The following NLRP4 variants were observed in gnomAD, a reference collection of about 807,000 sequenced individuals.
NLRP4 encodes NLR family pyrin domain containing 4, also known as NACHT, LRR and PYD domains-containing protein 4.
Under a neutral mutation model 84.7 loss-of-function variants are expected in NLRP4, and 44 were observed. The ratio of observed to expected loss-of-function variants is 0.52; its 90% CI spans 0.41 to 0.67. NLRP4 has a LOEUF of 0.67. Ranked by LOEUF, NLRP4 falls within the 30% of genes least tolerant of loss-of-function variation. The pLI is 0.00. For missense variants in NLRP4, 1,260 were observed against 1,219.4 expected (o/e 1.03, Z -0.50); for synonymous variants, 544 against 476.4 (o/e 1.14, Z -1.85).
chr19:55,858,937 T>C lies in NLRP4; in HGVS notation c.1544T>C (p.Leu515Pro). 2 of 1,614,028 alleles carry C rather than the reference T, an allele frequency of 1.2e-6. No individual in the cohort carries two copies. Among genetic ancestry groups the C allele is most frequent in the South Asian group, 1.1e-5 (1 of 91,080 alleles). The change falls in exon 3 of 10, where the codon CTG becomes CCG. Residue 515 changes from leucine (L) to proline (P), a missense_variant. This residue lies in a region of NLRP4 where 712 missense variants were observed against 669.2 expected (regional missense o/e 1.06). Coordinates refer to ENST00000301295, the MANE Select transcript of NLRP4 (RefSeq NM_134444.5). This position sits in a 1 kb window ranked among gnomAD's most constrained non-coding sequence, Gnocchi z 4.2. ...GLLNKKEQEKLDAFFGFQLSQ... is the reference protein window; with the variant it reads ...GLLNKKEQEKPDAFFGFQLSQ... ...TTAAATAAAAAGGAACAAGAAAAAC[T>C]GGATGCGTTTTTTGGCTTCCAACTG...
chr19:55,860,416 T>A (rs965566555), intron 3 of NLRP4, among the ~76,000 whole-genome samples: 14 of 151,044 alleles, frequency 9.3e-5, no homozygotes, highest in African/African-American at 1.7e-4. Flanking sequence ...TTCTACAAAA[T>A]TTTTTTTTTA....
chr19:55,842,960 C>T (rs540816855), intron 1 of NLRP4, among the ~76,000 whole-genome samples: 3 of 151,136 alleles, frequency 2.0e-5, no homozygotes, highest in South Asian at 2.1e-4. Flanking sequence ...GGGGTTTCAC[C>T]GTGTTAGCCA....
chr19:55,853,889 TTCTCTC>T lies in NLRP4; in HGVS notation c.280+1541_280+1546del, dbSNP rs145906779. Among the ~76,000 whole-genome samples the T allele has an allele frequency of 3.8e-5, 5 of 132,184 alleles. 1 individual carries two copies. Among genetic ancestry groups the T allele is most frequent in the Non-Finnish European group, 1.5e-5 (1 of 65,176 alleles). The allele number at this position is 132,184 out of a possible 152,430, so 86.7% of individuals were successfully genotyped here. On this transcript the variant is annotated intron_variant, in intron 2 of 9. Coordinates refer to ENST00000301295, the MANE Select transcript of NLRP4 (RefSeq NM_134444.5). ...TCTCTCTTTCTCTCTTGCTATCTCT[TTCTCTC>T]TCTCTCTCTCTTTCTCTTTCTTTCT...
intron 6 of NLRP4, among the ~76,000 whole-genome samples, chr19:55,869,100 A>T (rs1985071976): frequency 6.6e-6 from 1 of 152,198 alleles, no homozygotes; most frequent in African/African-American, 2.4e-5. Context: ...CCAGGTAACT[A>T]TCTGGAGAGA....
At position 55,852,010 on chromosome 19, in the gene NLRP4, C is replaced by T. The variant is rs1984181624; in HGVS notation, c.-65-6C>T. On this transcript the variant is annotated splice_region_variant and splice_polypyrimidine_tract_variant and intron_variant, in intron 1 of 9. Coordinates refer to ENST00000301295, the MANE Select transcript of NLRP4 (RefSeq NM_134444.5). Reference sequence around the variant, plus strand: ...ATAACTTGGCACTGTCCTGAATTTTCTACAGGTTTTATTTATTTATTGTTC... The same window carrying T: ...ATAACTTGGCACTGTCCTGAATTTTTTACAGGTTTTATTTATTTATTGTTC... 1 of 1,175,012 alleles carries T rather than the reference C, an allele frequency of 8.5e-7. No homozygotes were observed. Among genetic ancestry groups the T allele is most frequent in the Non-Finnish European group, 1.2e-6 (1 of 810,030 alleles). 72.8% of individuals were successfully genotyped at this position (1,175,012 alleles called of 1,614,324 possible). A position where few individuals can be genotyped will look rare whatever the true frequency, so the allele number is the denominator to read the frequency against.
chr19:55,858,419 C>G lies in NLRP4; in HGVS notation c.1026C>G (p.Leu342=). 1 of 1,614,132 alleles carries G rather than the reference C, an allele frequency of 6.2e-7. No homozygotes were observed. Among genetic ancestry groups the G allele is most frequent in the Non-Finnish European group, 8.5e-7 (1 of 1,180,020 alleles). Residue 342 remains leucine (L), a synonymous_variant, in exon 3 of 10, where the codon CTC becomes CTG. Transcript: ENST00000301295. This position sits in a 1 kb window ranked among gnomAD's most constrained non-coding sequence, Gnocchi z 4.2. ...EQLFSICQIP[L]LCWILCTSLK... is the part of the protein sequence containing the mutation. ...TGTTTTCCATATGCCAAATCCCGCT[C>G]CTCTGCTGGATCCTGTGTACCAGTC...
chr19:55,878,723 C>G (rs950490278), intron 8 of NLRP4, 71 bp from the exon 9 acceptor site: 6 of 1,399,300 alleles, frequency 4.3e-6, no homozygotes, highest in Non-Finnish European at 5.9e-6. Context: ...AACTAGACGT[C>G]TAGCTCACAT....
At chr19:55,864,031 A>G (rs1223820848) in intron 5 of NLRP4, among the ~76,000 whole-genome samples, 2 of 152,212 alleles carry the variant, frequency 1.3e-5, no homozygotes, top group African/African-American at 2.4e-5. Context: ...TGATATCCAC[A>G]TACCACAAAA....
intron 3 of NLRP4, among the ~76,000 whole-genome samples, chr19:55,859,508 T>A (rs1484512801): frequency 2.0e-5 from 3 of 152,218 alleles, no homozygotes; most frequent in Non-Finnish European, 4.4e-5. Flanking sequence ...TGAGGACCTG[T>A]GTGAAGAGTG....
At position 55,845,913 on chromosome 19, in the gene NLRP4, C is replaced by G. The variant is rs564043880; in HGVS notation, c.-65-6103C>G. 4.0e-5 allele frequency among the ~76,000 whole-genome samples: 6 copies of G among 149,484 alleles called. No homozygotes were observed. The South Asian group carries it at 1.3e-3, about 31-fold the overall frequency. ...AATTTGTTTGAGTTCATTGTAGATTCTGGATATTAGCCCTTTGTCAGATGA... is the reference window on the plus strand; with the variant it reads ...AATTTGTTTGAGTTCATTGTAGATTGTGGATATTAGCCCTTTGTCAGATGA... On this transcript the variant is annotated intron_variant, in intron 1 of 9. Coordinates refer to ENST00000301295, the MANE Select transcript of NLRP4 (RefSeq NM_134444.5).
At chr19:55,854,669 C>G (rs1600227379) in intron 2 of NLRP4, among the ~76,000 whole-genome samples, 1 of 152,228 alleles carries the variant, frequency 6.6e-6, no homozygotes, top group South Asian at 2.1e-4. Context: ...GCTAGCCTTT[C>G]TTGCTCATTT....
At chr19:55,860,147 A>G (rs544605815) in intron 3 of NLRP4, among the ~76,000 whole-genome samples, 5 of 151,730 alleles carry the variant, frequency 3.3e-5, no homozygotes, top group Admixed American at 6.6e-5. Context: ...CACCACACCC[A>G]GCTAATTTTT....
intron 2 of NLRP4, among the ~76,000 whole-genome samples, chr19:55,853,791 TTC>T (rs746686465): frequency 0.027 from 3,401 of 124,224 alleles, 175 homozygotes; most frequent in African/African-American, 0.14. Context: ...CTGTCTCTCT[TTC>T]TCTCTCTCTC....
intron 1 of NLRP4, among the ~76,000 whole-genome samples, chr19:55,839,572 C>G (rs865833751): frequency 6.6e-6 from 1 of 150,390 alleles, no homozygotes; most frequent in South Asian, 2.1e-4. Flanking sequence ...ACAAAATTAT[C>G]AGTTTTATTG....
Position 55,861,426 on chromosome 19 carries a change from G to C in NLRP4, c.1897G>C (p.Val633Leu), listed in dbSNP as rs200985784. Residue 633 changes from valine to leucine, a missense_variant, in exon 4 of 10, where the codon GTG (valine) becomes CTG (leucine). Val to Leu is a conservative substitution (Grantham distance 32). Coordinates refer to ENST00000301295, the MANE Select transcript of NLRP4 (RefSeq NM_134444.5). ...CATCTGTTGGCATCACATCTGCTCT[G>C]TGCTCACCACCAGCGGGCACCTCAG... ...SLICWHHICS[V>L]LTTSGHLREL... 4 of 1,614,180 alleles carry C rather than the reference G, an allele frequency of 2.5e-6. No homozygotes were observed. The East Asian group carries it at 8.9e-5, about 36-fold the overall frequency.
intron 8 of NLRP4, 35 bp from the exon 9 acceptor site, chr19:55,878,759 G>A: frequency 6.3e-7 from 1 of 1,580,282 alleles, no homozygotes; most frequent in African/African-American, 1.3e-5. Context: ...CCCTGAGGCT[G>A]GGGCCGCATC....
chr19:55,848,401 A>G (rs891275737), intron 1 of NLRP4, among the ~76,000 whole-genome samples: 3 of 151,886 alleles, frequency 2.0e-5, no homozygotes, highest in Admixed American at 6.6e-5. Context: ...ATACGATACT[A>G]TAGCATACTA....
chr19:55,878,706 G>A, intron 8 of NLRP4, 88 bp from the exon 9 acceptor site: 2 of 1,143,216 alleles, frequency 1.7e-6, no homozygotes, highest in African/African-American at 1.5e-5. Flanking sequence ...GCAATGGGGT[G>A]TGCCTCAACT....
chr19:55,868,852 T>C (rs988726890), intron 6 of NLRP4, among the ~76,000 whole-genome samples: 5 of 152,164 alleles, frequency 3.3e-5, no homozygotes, highest in African/African-American at 1.2e-4. Flanking sequence ...CTTTATACTT[T>C]TGGGCATTTT....
Sources: gnomAD v4.1 joint callset for allele counts (sites outside exome capture counted in the v4.1 genomes callset) on GRCh38, gnomAD v4.1.1 for gene constraint, gnomAD v4.1.1 regional missense constraint, Gnocchi (gnomAD v3.1) non-coding constraint, MANE v1.5 for transcripts, NCBI Gene and HGNC (gene_info 2026-07-23, HGNC 2026-07-21) for gene names.